Variants in TAMALIN observed in about 807,000 individuals in gnomAD.
The protein encoded by TAMALIN is protein TAMALIN.
TAMALIN carries 9 observed loss-of-function variants against 38.5 expected under a neutral mutation model. The observed-to-expected ratio is 0.23, with a 90% CI of 0.14 to 0.41. The LOEUF (loss-of-function observed/expected upper bound fraction) is 0.41, where lower values mean the gene tolerates loss of function less well. Among genes scored for constraint, TAMALIN ranks in the 10% least tolerant of loss-of-function variants. The pLI, the probability that TAMALIN is intolerant of heterozygous loss-of-function variation, is 1.00. For synonymous variants in TAMALIN, 306 were observed against 256.5 expected, an observed-to-expected ratio of 1.19 and a Z score of -1.85; for missense variants, 548 against 554.1, an observed-to-expected ratio of 0.99 and a Z score of 0.11.
Position 52,007,289 on chromosome 12 carries a change from G to C in TAMALIN, c.246+24G>C. On this transcript the variant is annotated intron_variant, in intron 1 of 7. Transcript: ENST00000293662. The surrounding 1 kb of genome is among the most constrained non-coding windows in gnomAD (Gnocchi z 6.7). ...AGGTGCGTCCCCCGCCCGCCTTCAG[G>C]ATCTGCTCAGCCCCTCTCCGACTCC... The C allele has an allele frequency of 7.2e-7, 1 of 1,398,192 alleles. No individual in the cohort carries two copies. The highest frequency in any genetic ancestry group is 9.3e-7 in the Non-Finnish European group (1 of 1,079,620). The allele number at this position is 1,398,192 out of a possible 1,614,324, so 86.6% of individuals were successfully genotyped here.
rs973416082 is a variant in TAMALIN, at chr12:52,015,098, C to T, written c.1087C>T (p.Pro363Ser). The change falls in exon 8 of 8, where the codon CCC becomes TCC. Residue 363 changes from proline (P) to serine (S), a missense_variant. Physicochemically the swap from Pro to Ser is moderately conservative, Grantham distance 74 (BLOSUM62 -1). This residue lies in a region of TAMALIN where 415 missense variants were observed against 417.0 expected (regional missense o/e 1.00). Coordinates refer to ENST00000293662, the MANE Select transcript of TAMALIN (RefSeq NM_181711.4). ...GGCTCGCGAGCAGGCCCTATGCGGC[C>T]CCGGCCTGCGCAAAACCAAGTACCG... ...TEAREQALCG[P>S]GLRKTKYRSF... The T allele has an allele frequency of 1.3e-5, 21 of 1,562,800 alleles. No individual in the cohort carries two copies. The highest frequency in any genetic ancestry group is 1.8e-5 in the Admixed American group (1 of 54,304).
At chr12:52,014,459 GT>G (rs1333697135) in intron 7 of TAMALIN, 1 of 599,142 alleles carries the variant, frequency 1.7e-6, no homozygotes, top group Non-Finnish European at 3.0e-6. Context: ...GGCTCAAAGA[GT>G]TTGTGTCAAT....
rs570150837 is a variant in TAMALIN, at chr12:52,011,706, G to T, written c.454+565G>T. 6.6e-6 allele frequency among the ~76,000 whole-genome samples: 1 copy of T among 151,968 alleles called. No individual in the cohort carries two copies. Among genetic ancestry groups the T allele is most frequent in the Non-Finnish European group, 1.5e-5 (1 of 68,020 alleles). On this transcript the variant is annotated intron_variant, in intron 4 of 7. Coordinates refer to ENST00000293662, the MANE Select transcript of TAMALIN (RefSeq NM_181711.4). The surrounding 1 kb of genome is among the most constrained non-coding windows in gnomAD (Gnocchi z 5.3). The stretch of plus-strand genomic sequence containing the variant: ...TAACCTTGAACTCCTGGGCTCAAGC[G>T]ATCCTCCTCTTGCCTCTGCCTCCCA...
chr12:52,008,038 C>G (rs1221828413), intron 1 of TAMALIN: 2 of 985,332 alleles, frequency 2.0e-6, no homozygotes, highest in Admixed American at 6.1e-5. Context: ...CGCCCTCCTT[C>G]GCCCCGGCCC....
rs1224711310 is a variant in TAMALIN at position 52,015,005 on chromosome 12, G to T, written c.994G>T (p.Ala332Ser). The change falls in exon 8 of 8, where the codon GCC becomes TCC. Residue 332 changes from alanine to serine, a missense_variant. By Grantham distance (99) the Ala-to-Ser change is moderately conservative (BLOSUM62 1). This residue lies in a region of TAMALIN where 415 missense variants were observed against 417.0 expected (regional missense o/e 1.00). Coordinates refer to ENST00000293662, the MANE Select transcript of TAMALIN (RefSeq NM_181711.4). ...GCCGCGGGCCGCGCTGAGCCGCAGC[G>T]CCAGTGTGCGGTGCGCGGGCCCTGG... is the stretch of plus-strand genomic sequence containing the variant. ...PGPRAALSRS[A>S]SVRCAGPGGG... 7 of 1,060,640 alleles carry T rather than the reference G, an allele frequency of 6.6e-6. No individual in the cohort carries two copies. Among genetic ancestry groups the T allele is most frequent in the Non-Finnish European group, 8.0e-6 (7 of 875,172 alleles). The allele number at this position is 1,060,640 out of a possible 1,614,324, so 65.7% of individuals were successfully genotyped here.
At chr12:52,012,030 C>T (rs1299688542) in intron 4 of TAMALIN, among the ~76,000 whole-genome samples, 1 of 152,050 alleles carries the variant, frequency 6.6e-6, no homozygotes, top group Non-Finnish European at 1.5e-5. Flanking sequence ...ACTGGGTGGC[C>T]GCATCAGGTG....
Position 52,007,147 on chromosome 12 carries a change from C to G in TAMALIN, c.128C>G (p.Ala43Gly). 6.7e-7 allele frequency: 1 copy of G among 1,490,196 alleles called. No individual in the cohort carries two copies. The highest frequency in any genetic ancestry group is 8.9e-7 in the Non-Finnish European group (1 of 1,128,506). The allele number at this position is 1,490,196 out of a possible 1,614,324, so 92.3% of individuals were successfully genotyped here. A position where few individuals can be genotyped will look rare whatever the true frequency, so the allele number is the denominator to read the frequency against. The change falls in exon 1 of 8, where the codon GCC becomes GGC. Residue 43 changes from alanine to glycine, a missense_variant. This residue lies in a region of TAMALIN where 128 missense variants were observed against 117.9 expected (regional missense o/e 1.09). Transcript: ENST00000293662. The surrounding 1 kb of genome is among the most constrained non-coding windows in gnomAD (Gnocchi z 6.7). The stretch of plus-strand genomic sequence containing the variant: ...CCGGTCCCGACCCCGGGACCCCCTG[C>G]CGCAGCCGCCACCCCTGGGCCCCCA... ...AAPVPTPGPP[A>G]AAATPGPPAD... is the part of the protein sequence containing the mutation.
At chr12:52,010,523 G>A (rs1942485227) in intron 2 of TAMALIN, 2 of 1,126,184 alleles carry the variant, frequency 1.8e-6, no homozygotes, top group South Asian at 4.2e-5. Context: ...GAACAGAGGA[G>A]GCTCCAGGCT....
intron 1 of TAMALIN, chr12:52,008,572 G>A (rs1050085503): frequency 1.0e-6 from 1 of 985,428 alleles, no homozygotes; most frequent in Non-Finnish European, 1.2e-6. Context: ...CTGCAGCTGG[G>A]ATCCACAACT....
chr12:52,013,805 G>C, intron 5 of TAMALIN, 25 bp downstream of exon 5: 1 of 1,612,994 alleles, frequency 6.2e-7, no homozygotes, highest in South Asian at 1.1e-5. Context: ...CGAGGTGCCT[G>C]AATTCCTGAG....
chr12:52,007,779 G>C lies in TAMALIN; in HGVS notation c.246+514G>C, dbSNP rs1942439852. 1 of 985,334 alleles carries C rather than the reference G, an allele frequency of 1.0e-6. No individual in the cohort carries two copies. Among genetic ancestry groups the C allele is most frequent in the Non-Finnish European group, 1.2e-6 (1 of 829,930 alleles). The allele number at this position is 985,334 out of a possible 1,614,324, so 61.0% of individuals were successfully genotyped here. A position where few individuals can be genotyped will look rare whatever the true frequency, so the allele number is the denominator to read the frequency against. On this transcript the variant is annotated intron_variant, in intron 1 of 7. Coordinates refer to ENST00000293662, the MANE Select transcript of TAMALIN (RefSeq NM_181711.4). This position sits in a 1 kb window ranked among gnomAD's most constrained non-coding sequence, Gnocchi z 6.7. ...TCCGAGGGGACTCCCCGATTCCTGG[G>C]CTGGGGGCCTGCCGCCTGGCCCCAC...
In TAMALIN at chr12:52,011,625, C is replaced by T. The variant is rs1937644096; in HGVS notation, c.454+484C>T. The stretch of plus-strand genomic sequence containing the variant: ...AGAAACTTTTTTTTTTTTTAAGAGA[C>T]AGGGCCTCAGTCTGTCACCCAGGCT... On this transcript the variant is annotated intron_variant, in intron 4 of 7. Coordinates refer to ENST00000293662, the MANE Select transcript of TAMALIN (RefSeq NM_181711.4). The surrounding 1 kb of genome is among the most constrained non-coding windows in gnomAD (Gnocchi z 5.3). Among the ~76,000 whole-genome samples the T allele has an allele frequency of 6.6e-6, 1 of 150,924 alleles. No individual in the cohort carries two copies. Among genetic ancestry groups the T allele is most frequent in the Admixed American group, 6.6e-5 (1 of 15,178 alleles).
chr12:52,012,718 C>T (rs546186015), intron 4 of TAMALIN, among the ~76,000 whole-genome samples: 2 of 152,320 alleles, frequency 1.3e-5, no homozygotes, highest in African/African-American at 4.8e-5. Context: ...CCCCATCATC[C>T]CTGAAGCATC....
At chr12:52,012,202 T>C (rs948397477) in intron 4 of TAMALIN, among the ~76,000 whole-genome samples, 1 of 152,208 alleles carries the variant, frequency 6.6e-6, no homozygotes, top group Non-Finnish European at 1.5e-5. Flanking sequence ...GAGCAAGAAC[T>C]CACTCCCCAA....
chr12:52,008,293 G>A, intron 1 of TAMALIN: 1 of 985,284 alleles, frequency 1.0e-6, no homozygotes, highest in Non-Finnish European at 1.2e-6. Context: ...AAAGAAAAGG[G>A]CTGCTCTGGG....
In TAMALIN at chr12:52,007,348, C is replaced by G; in HGVS notation, c.246+83C>G. 7.6e-7 allele frequency: 1 copy of G among 1,308,242 alleles called. No individual in the cohort carries two copies. The highest frequency in any genetic ancestry group is 9.7e-7 in the Non-Finnish European group (1 of 1,028,828). The allele number at this position is 1,308,242 out of a possible 1,614,324, so 81.0% of individuals were successfully genotyped here. A position where few individuals can be genotyped will look rare whatever the true frequency, so the allele number is the denominator to read the frequency against. On this transcript the variant is annotated intron_variant, in intron 1 of 7. Coordinates refer to ENST00000293662, the MANE Select transcript of TAMALIN (RefSeq NM_181711.4). The surrounding 1 kb of genome is among the most constrained non-coding windows in gnomAD (Gnocchi z 6.7). Reference sequence around the variant, plus strand: ...CCTGCTGACTCCGCAGTGCCCTCTCCTCGGCGTCCGCGGAGTCCCCCACCT... The same window carrying G: ...CCTGCTGACTCCGCAGTGCCCTCTCGTCGGCGTCCGCGGAGTCCCCCACCT...
At chr12:52,014,625 T>C in intron 7 of TAMALIN, 69 bp from the exon 8 acceptor site, 1 of 1,255,648 alleles carries the variant, frequency 8.0e-7, no homozygotes, top group Non-Finnish European at 1.1e-6. Context: ...GCCCATGCCC[T>C]CCGACCCTTT....
chr12:52,014,056 C>G (rs1937726722), intron 6 of TAMALIN, 79 bp from the exon 7 acceptor site: 3 of 1,553,262 alleles, frequency 1.9e-6, no homozygotes, highest in African/African-American at 1.4e-5. Context: ...TTTGTCTACT[C>G]CCTGATCCCT....
Position 52,015,022 on chromosome 12 carries a change from G to C in TAMALIN, c.1011G>C (p.Ala337=). 1 of 1,261,902 alleles carries C rather than the reference G, an allele frequency of 7.9e-7. No homozygotes were observed. Among genetic ancestry groups the C allele is most frequent in the Non-Finnish European group, 1.0e-6 (1 of 1,000,268 alleles). The allele number at this position is 1,261,902 out of a possible 1,614,324, so 78.2% of individuals were successfully genotyped here. A position where few individuals can be genotyped will look rare whatever the true frequency, so the allele number is the denominator to read the frequency against. ...GCCGCAGCGCCAGTGTGCGGTGCGCGGGCCCTGGCGGGGGCGGAGGCGGGG... is the reference window on the plus strand; with the variant it reads ...GCCGCAGCGCCAGTGTGCGGTGCGCCGGCCCTGGCGGGGGCGGAGGCGGGG... ...ALSRSASVRC[A]GPGGGGGGGA... is the part of the protein sequence containing the mutation. Residue 337 remains alanine (A), a synonymous_variant, in exon 8 of 8, where the codon GCG becomes GCC. Transcript: ENST00000293662.
Sources: allele counts gnomAD v4.1 joint callset (sites outside exome capture counted in the v4.1 genomes callset), GRCh38; gene constraint gnomAD v4.1.1; regional missense constraint gnomAD v4.1.1; non-coding constraint Gnocchi (gnomAD v3.1); transcripts MANE v1.5; gene names NCBI Gene and HGNC (gene_info 2026-07-23, HGNC 2026-07-21).